The following CACNA2D3 variants were observed in gnomAD, a reference collection of about 807,000 sequenced individuals.
CACNA2D3 encodes the protein calcium voltage-gated channel auxiliary subunit alpha2delta 3.
CACNA2D3 carries 60 observed loss-of-function variants against 160.6 expected under a neutral mutation model. The observed-to-expected ratio is 0.37, with a 90% confidence interval of 0.30 to 0.46. The LOEUF is 0.46. CACNA2D3 is among the 20% of genes least tolerant of loss of function. CACNA2D3 has a pLI of 1.00. For missense variants in CACNA2D3, 1,205 were observed against 1,365.0 expected (o/e 0.88, Z 1.85); for synonymous variants, 558 against 492.9 (o/e 1.13, Z -1.75).
intron 2 of CACNA2D3, among the ~76,000 whole-genome samples, chr3:54,269,975 TG>T (rs768241440): frequency 9.8e-4 from 149 of 152,318 alleles, no homozygotes; most frequent in Non-Finnish European, 1.1e-3. Context: ...ATTTTGGCCC[TG>T]GGCAACAGAA....
intron 13 of CACNA2D3, among the ~76,000 whole-genome samples, chr3:54,792,276 G>A (rs1278815407): frequency 6.6e-6 from 1 of 152,098 alleles, no homozygotes; most frequent in Non-Finnish European, 1.5e-5. Flanking sequence ...TGGGATCAGG[G>A]AGCCCTCTCA....
chr3:54,763,149 C>CATATTTAAAAGGA (rs1189171148), intron 12 of CACNA2D3, among the ~76,000 whole-genome samples: 1 of 151,088 alleles, frequency 6.6e-6, no homozygotes, highest in Non-Finnish European at 1.5e-5. Flanking sequence ...AAAGGCAGCA[C>CATATTTAAAAGGA]TGGGGACCAC....
At chr3:54,298,110 G>A (rs1703381115) in intron 2 of CACNA2D3, among the ~76,000 whole-genome samples, 1 of 152,226 alleles carries the variant, frequency 6.6e-6, no homozygotes, top group Admixed American at 6.5e-5. Context: ...GTAGACCAAA[G>A]TGTCGCCCCA....
Position 54,170,263 on chromosome 3 carries a change from C to T in CACNA2D3, c.204+46669C>T, listed in dbSNP as rs181449687. Reference sequence around the variant, plus strand: ...GCCATTCCAGCAACAGGTACCCAGGCGGTTCTGCCAAGAGACCCAGAGAAG... The same window carrying T: ...GCCATTCCAGCAACAGGTACCCAGGTGGTTCTGCCAAGAGACCCAGAGAAG... On this transcript the variant is annotated intron_variant, in intron 2 of 37. Coordinates refer to ENST00000474759, the MANE Select transcript of CACNA2D3 (RefSeq NM_018398.3). Among the ~76,000 whole-genome samples the T allele has an allele frequency of 5.4e-4, 82 of 151,428 alleles. No homozygotes were observed. The East Asian group carries it at 0.013, about 23-fold the overall frequency.
intron 11 of CACNA2D3, among the ~76,000 whole-genome samples, chr3:54,662,863 G>GT (rs1373776336): frequency 1.3e-5 from 2 of 152,238 alleles, no homozygotes; most frequent in Admixed American, 1.3e-4. Context: ...GAGAAGCTGA[G>GT]TTTGATGACC....
intron 27 of CACNA2D3, among the ~76,000 whole-genome samples, chr3:54,905,671 G>A (rs1215027464): frequency 6.6e-6 from 1 of 152,128 alleles, no homozygotes; most frequent in Non-Finnish European, 1.5e-5. Flanking sequence ...TTTCTGATTG[G>A]CACTACTGGT....
chr3:54,776,295 C>G (rs576315984), intron 13 of CACNA2D3, among the ~76,000 whole-genome samples: 9 of 152,246 alleles, frequency 5.9e-5, no homozygotes, highest in African/African-American at 2.2e-4. Context: ...AGGAGAATTG[C>G]TTGAGCCTAG....
chr3:54,576,407 C>G (rs374032735), intron 8 of CACNA2D3, among the ~76,000 whole-genome samples: 5 of 152,178 alleles, frequency 3.3e-5, no homozygotes, highest in East Asian at 3.9e-4. Context: ...TTCCCCAAAA[C>G]GTTCTGGCCC....
intron 27 of CACNA2D3, among the ~76,000 whole-genome samples, chr3:54,908,475 G>T (rs1256958641): frequency 6.6e-6 from 1 of 152,156 alleles, no homozygotes; most frequent in Non-Finnish European, 1.5e-5. Flanking sequence ...CAATGCTTTG[G>T]GAGGCTGAGT....
At chr3:54,810,417 A>G (rs1176153835) in intron 13 of CACNA2D3, among the ~76,000 whole-genome samples, 3 of 152,162 alleles carry the variant, frequency 2.0e-5, no homozygotes, top group Non-Finnish European at 4.4e-5. Flanking sequence ...GAGCCATTTA[A>G]CAGAACTTTC....
intron 9 of CACNA2D3, 83 bp from the exon 10 acceptor site, chr3:54,627,704 C>G: frequency 1.2e-6 from 1 of 818,314 alleles, no homozygotes; most frequent in Middle Eastern, 2.2e-4. Flanking sequence ...TTGGTCTTGC[C>G]ATGGCGTACA....
At chr3:54,295,088 A>G (rs533006404) in intron 2 of CACNA2D3, among the ~76,000 whole-genome samples, 23 of 152,344 alleles carry the variant, frequency 1.5e-4, no homozygotes, top group African/African-American at 5.5e-4. Flanking sequence ...GGAGACACAG[A>G]ATGAGACACA....
chr3:54,807,549 G>A lies in CACNA2D3; in HGVS notation c.1381-9304G>A, dbSNP rs537473116. 7.6e-3 allele frequency among the ~76,000 whole-genome samples: 1,149 copies of A among 152,060 alleles called. 15 individuals are homozygous for A. Among genetic ancestry groups the A allele is most frequent in the African/African-American group, 0.026 (1,068 of 41,422 alleles). ...AGAATGGCAATCATTTAAAAGTCAG[G>A]AAACAACAGGTGCTGGAGAGGATGT... On this transcript the variant is annotated intron_variant, in intron 13 of 37. Transcript: ENST00000474759.
intron 2 of CACNA2D3, among the ~76,000 whole-genome samples, chr3:54,226,944 A>G (rs538514446): frequency 9.8e-5 from 15 of 152,300 alleles, no homozygotes; most frequent in Non-Finnish European, 1.2e-4. Context: ...TTTGTCTCCT[A>G]TAGTCTAGTC....
chr3:54,729,354 T>C (rs1360899416), intron 11 of CACNA2D3, among the ~76,000 whole-genome samples: 1 of 152,252 alleles, frequency 6.6e-6, no homozygotes, highest in Non-Finnish European at 1.5e-5. Context: ...TTTTCTTTTT[T>C]GTAGTTTATC....
chr3:54,888,341 C>T (rs1222388521), intron 24 of CACNA2D3, among the ~76,000 whole-genome samples: 3 of 152,110 alleles, frequency 2.0e-5, no homozygotes, highest in African/African-American at 4.8e-5. Context: ...AACTTCGTTG[C>T]CTGCCTCGCC....
At chr3:55,066,798 C>G (rs976107498) in intron 35 of CACNA2D3, among the ~76,000 whole-genome samples, 5 of 152,164 alleles carry the variant, frequency 3.3e-5, no homozygotes, top group African/African-American at 1.2e-4. Context: ...CCTATCCCTG[C>G]TTAGAAACAA....
intron 4 of CACNA2D3, among the ~76,000 whole-genome samples, chr3:54,391,418 A>G (rs1699277829): frequency 6.6e-6 from 1 of 152,216 alleles, no homozygotes; most frequent in South Asian, 2.1e-4. Flanking sequence ...CCTGAAGGAT[A>G]GCATGTGTGA....
At position 54,238,096 on chromosome 3, in the gene CACNA2D3, T is replaced by C. The variant is rs113723523; in HGVS notation, c.205-82346T>C. 9.4e-3 allele frequency among the ~76,000 whole-genome samples: 1,431 copies of C among 152,282 alleles called. 7 individuals are homozygous for C. The highest frequency in any genetic ancestry group is 0.017 in the Middle Eastern group (5 of 294). On this transcript the variant is annotated intron_variant, in intron 2 of 37. Transcript: ENST00000474759. ...TGAAAAACACTGCTGCATACTTTTT[T>C]CCAATTTCTTTGCATTCATCAGACT... is the stretch of plus-strand genomic sequence containing the variant.
Sources: allele counts gnomAD v4.1 joint callset (sites outside exome capture counted in the v4.1 genomes callset), GRCh38; gene constraint gnomAD v4.1.1; transcripts MANE v1.5; gene names NCBI Gene and HGNC (gene_info 2026-07-23, HGNC 2026-07-21).